Variants in BCAT1 observed in about 807,000 individuals in gnomAD.
BCAT1 encodes the protein branched-chain-amino-acid aminotransferase, cytosolic.
A neutral mutation model predicts 52.4 loss-of-function variants in BCAT1; 48 were observed. The observed-to-expected ratio is 0.92, with a 90% confidence interval of 0.73 to 1.16. BCAT1 has a LOEUF of 1.16. BCAT1 is among the 50% of genes most tolerant of loss of function. The probability of loss-of-function intolerance (pLI) is 0.00; values close to 1 mark genes in which losing one functional copy is unlikely to be tolerated. For synonymous variants in BCAT1, 167 were observed against 161.3 expected (o/e 1.04, Z -0.27); for missense variants, 451 against 457.1 (o/e 0.99, Z 0.12).
At chr12:24,859,906 G>A (rs183646647) in intron 5 of BCAT1, among the ~76,000 whole-genome samples, 1 of 152,178 alleles carries the variant, frequency 6.6e-6, no homozygotes, top group East Asian at 1.9e-4. Context: ...ATGGTGTTTA[G>A]CTTTCTTTGA....
chr12:24,915,151 A>G (rs545711859), intron 1 of BCAT1, among the ~76,000 whole-genome samples: 50 of 152,036 alleles, frequency 3.3e-4, no homozygotes, highest in Middle Eastern at 6.8e-3. Flanking sequence ...TTTATTTATT[A>G]TAAAAACTGA....
Position 24,874,458 on chromosome 12 carries a change from T to G in BCAT1, c.510+4072A>C, listed in dbSNP as rs192261388. Among the ~76,000 whole-genome samples, 65 of 152,350 alleles carry G rather than the reference T, an allele frequency of 4.3e-4. 1 individual carries two copies. The highest frequency in any genetic ancestry group is 4.0e-3 in the Admixed American group (61 of 15,302). On this transcript the variant is annotated intron_variant, in intron 5 of 10. Coordinates refer to ENST00000261192, the MANE Select transcript of BCAT1 (RefSeq NM_005504.7). ...TAATTATATGGCAGTGACTGAATCT[T>G]ATTTTATGTGAAAAACAATAATATT...
chr12:24,938,142 T>C (rs1158632357), intron 1 of BCAT1, among the ~76,000 whole-genome samples: 3 of 151,932 alleles, frequency 2.0e-5, no homozygotes, highest in Non-Finnish European at 4.4e-5. Context: ...CTTCCAATGA[T>C]GGTTAGAGGA....
chr12:24,868,180 A>C (rs1942079554), intron 5 of BCAT1, among the ~76,000 whole-genome samples: 1 of 152,230 alleles, frequency 6.6e-6, no homozygotes, highest in African/African-American at 2.4e-5. Flanking sequence ...CTAACTCATG[A>C]ATCACTCAGG....
intron 1 of BCAT1, among the ~76,000 whole-genome samples, chr12:24,938,605 G>A (rs1044048986): frequency 1.1e-4 from 17 of 152,106 alleles, no homozygotes; most frequent in Admixed American, 7.9e-4. Context: ...TTACCAGTGG[G>A]CTGGAAGGGA....
chr12:24,922,300 G>A lies in BCAT1; in HGVS notation c.7-20415C>T, dbSNP rs114917407. Reference sequence around the variant, plus strand: ...CTGCCTCAGTCCCCCAAGTAGCTGGGACTACAGGCATGTGCCACCTTGCCC... The same window carrying A: ...CTGCCTCAGTCCCCCAAGTAGCTGGAACTACAGGCATGTGCCACCTTGCCC... On this transcript the variant is annotated intron_variant, in intron 1 of 10. Transcript: ENST00000261192. Among the ~76,000 whole-genome samples the A allele has an allele frequency of 4.3e-3, 661 of 152,268 alleles. 2 individuals carry two copies. Among genetic ancestry groups the A allele is most frequent in the African/African-American group, 0.015 (620 of 41,558 alleles).
intron 1 of BCAT1, among the ~76,000 whole-genome samples, chr12:24,909,324 C>T (rs1478797955): frequency 7.9e-5 from 12 of 152,142 alleles, no homozygotes; most frequent in Admixed American, 6.6e-4. Flanking sequence ...CCTGCCATGT[C>T]ACGTCTCTGG....
At position 24,817,091 on chromosome 12, in the gene BCAT1, A is replaced by G. The variant is rs536255582; in HGVS notation, c.*917T>C. The G allele has an allele frequency of 7.2e-5, 11 of 152,952 alleles. No homozygotes were observed. The South Asian group carries it at 2.3e-3, about 32-fold the overall frequency. 9.5% of individuals were successfully genotyped at this position (152,952 alleles called of 1,614,324 possible). A position where few individuals can be genotyped will look rare whatever the true frequency, so the allele number is the denominator to read the frequency against. ...ATTCTAATACAATCAATATGAAGTG[A>G]TTTCCTAAACTAACTATGCTTCAGA... On this transcript the variant is annotated 3_prime_UTR_variant, in exon 11 of 11. Coordinates refer to ENST00000261192, the MANE Select transcript of BCAT1 (RefSeq NM_005504.7).
In BCAT1 at chr12:24,831,312, G is replaced by A. The variant is rs192920289; in HGVS notation, c.1044+1411C>T. 1.9e-3 allele frequency among the ~76,000 whole-genome samples: 289 copies of A among 152,202 alleles called. 1 individual carries two copies. Among genetic ancestry groups the A allele is most frequent in the African/African-American group, 6.8e-3 (281 of 41,522 alleles). On this transcript the variant is annotated intron_variant, in intron 9 of 10. Coordinates refer to ENST00000261192, the MANE Select transcript of BCAT1 (RefSeq NM_005504.7). ...TGTTTTTGTTGTTGATAAGGCTTCC[G>A]GTGAACAGCAGGCTACTAGTAGTTA...
intron 10 of BCAT1, among the ~76,000 whole-genome samples, chr12:24,818,999 C>T (rs2139307798): frequency 6.6e-6 from 1 of 152,274 alleles, no homozygotes; most frequent in East Asian, 1.9e-4. Context: ...TTAATACCCA[C>T]AGTAACTGTA....
intron 5 of BCAT1, among the ~76,000 whole-genome samples, chr12:24,858,137 C>T (rs1334650755): frequency 5.3e-5 from 8 of 152,160 alleles, no homozygotes; most frequent in Admixed American, 1.3e-4. Flanking sequence ...TGTCCCCACA[C>T]GTTGCTCCAC....
At chr12:24,942,403 G>C (rs1220861301) in intron 1 of BCAT1, among the ~76,000 whole-genome samples, 1 of 152,078 alleles carries the variant, frequency 6.6e-6, no homozygotes, top group Non-Finnish European at 1.5e-5. Flanking sequence ...ACAAAGCCAA[G>C]CGTGGTCGTG....
chr12:24,938,846 T>C (rs1490030566), intron 1 of BCAT1, among the ~76,000 whole-genome samples: 3 of 151,354 alleles, frequency 2.0e-5, no homozygotes, highest in Non-Finnish European at 2.9e-5. Flanking sequence ...ACCTACTATA[T>C]GCACATTATT....
At chr12:24,868,631 G>T (rs1942093416) in intron 5 of BCAT1, among the ~76,000 whole-genome samples, 1 of 152,080 alleles carries the variant, frequency 6.6e-6, no homozygotes, top group Non-Finnish European at 1.5e-5. Flanking sequence ...TGATAACAAA[G>T]TTCACTTTCA....
At position 24,881,329 on chromosome 12, in the gene BCAT1, T is replaced by C; in HGVS notation, c.362A>G (p.Tyr121Cys). The C allele has an allele frequency of 1.2e-6, 2 of 1,612,802 alleles. No homozygotes were observed. The highest frequency in any genetic ancestry group is 2.2e-5 in the East Asian group (1 of 44,884). Reference sequence around the variant, plus strand: ...CAGAGTTGCCCTCACAGCAGAGCGATACATTCTATCCATGTTGAGGTTTGG... The same window carrying C: ...CAGAGTTGCCCTCACAGCAGAGCGACACATTCTATCCATGTTGAGGTTTGG... Reference protein sequence around the residue: ...FQPNLNMDRMYRSAVRATLPV... With the variant: ...FQPNLNMDRMCRSAVRATLPV... Residue 121 changes from tyrosine to cysteine, a missense_variant, in exon 4 of 11, where the codon TAT (tyrosine) becomes TGT (cysteine). Transcript: ENST00000261192.
chr12:24,863,760 A>C (rs1941919958), intron 5 of BCAT1, among the ~76,000 whole-genome samples: 1 of 152,138 alleles, frequency 6.6e-6, no homozygotes, highest in Admixed American at 6.5e-5. Context: ...GCAAGACCCC[A>C]TCAATACAAA....
intron 1 of BCAT1, among the ~76,000 whole-genome samples, chr12:24,940,389 A>G (rs10771145): frequency 0.91 from 138,150 of 152,242 alleles, 63,178 homozygotes; most frequent in East Asian, 1. Context: ...CATTGATCAA[A>G]AGGAGGGAAG....
rs1939650643 is a variant in BCAT1 at position 24,810,617 on chromosome 12, T to A, written c.*7391A>T. On this transcript the variant is annotated 3_prime_UTR_variant, in exon 11 of 11. Coordinates refer to ENST00000261192, the MANE Select transcript of BCAT1 (RefSeq NM_005504.7). ...GAACACTTGACTAATAACCTTTGCC[T>A]AGACCTTCCAAACTCTGCGCGTAAC... 6.6e-6 allele frequency: 1 copy of A among 152,182 alleles called. No individual in the cohort carries two copies. Among genetic ancestry groups the A allele is most frequent in the African/African-American group, 2.4e-5 (1 of 41,450 alleles). The allele number at this position is 152,182 out of a possible 1,614,324, so 9.4% of individuals were successfully genotyped here.
intron 1 of BCAT1, among the ~76,000 whole-genome samples, chr12:24,907,996 G>A (rs568066801): frequency 6.6e-6 from 1 of 152,302 alleles, no homozygotes; most frequent in South Asian, 2.1e-4. Context: ...CGGACATGCT[G>A]TGGAGAGTTA....
Sources: allele counts gnomAD v4.1 joint callset (sites outside exome capture counted in the v4.1 genomes callset), GRCh38; gene constraint gnomAD v4.1.1; transcripts MANE v1.5; gene names NCBI Gene and HGNC (gene_info 2026-07-23, HGNC 2026-07-21).